PALLD: variants seen among roughly 807,000 people sequenced by gnomAD.
PALLD encodes the protein palladin.
PALLD carries 61 observed loss-of-function variants against 123.5 expected under a neutral mutation model. The ratio of observed to expected loss-of-function variants is 0.49; its 90% confidence interval spans 0.40 to 0.61. The LOEUF (loss-of-function observed/expected upper bound fraction) is 0.61, where lower values mean the gene tolerates loss of function less well. Ranked by LOEUF, PALLD falls within the 20% of genes least tolerant of loss-of-function variation. The pLI is 0.00. For missense variants in PALLD, 1,273 were observed against 1,377.0 expected (o/e 0.92, Z 1.20); for synonymous variants, 465 against 496.4 (o/e 0.94, Z 0.84).
chr4:168,780,206 G>A (rs946919664), intron 10 of PALLD, among the ~76,000 whole-genome samples: 1 of 152,112 alleles, frequency 6.6e-6, no homozygotes, highest in Non-Finnish European at 1.5e-5. Context: ...GTCTCACTAC[G>A]TTACATTCTT....
intron 8 of PALLD, among the ~76,000 whole-genome samples, chr4:168,694,197 TC>T (rs1168340113): frequency 6.6e-6 from 1 of 152,176 alleles, no homozygotes; most frequent in East Asian, 1.9e-4. Flanking sequence ...GGAACCGGCT[TC>T]CCTAAAAACT....
intron 2 of PALLD, among the ~76,000 whole-genome samples, chr4:168,531,244 T>C (rs899414727): frequency 6.6e-6 from 1 of 152,130 alleles, no homozygotes; most frequent in African/African-American, 2.4e-5. Context: ...TGCTTTGGAG[T>C]AACAAAGAAT....
intron 10 of PALLD, among the ~76,000 whole-genome samples, chr4:168,755,028 C>T (rs190013986): frequency 3.6e-4 from 55 of 152,136 alleles, no homozygotes; most frequent in African/African-American, 9.6e-4. Flanking sequence ...GTCAGGAGAT[C>T]GAGACCATCC....
intron 10 of PALLD, among the ~76,000 whole-genome samples, chr4:168,833,967 T>C (rs1473184713): frequency 6.8e-6 from 1 of 148,084 alleles, no homozygotes; most frequent in African/African-American, 2.5e-5. Context: ...ACATACGAGA[T>C]AGACAAGAGC....
chr4:168,922,096 T>C (rs1302444911), intron 18 of PALLD, among the ~76,000 whole-genome samples: 16 of 104,888 alleles, frequency 1.5e-4, no homozygotes, highest in African/African-American at 4.8e-4. Flanking sequence ...TATATATATA[T>C]ATATATACAC....
intron 2 of PALLD, among the ~76,000 whole-genome samples, chr4:168,580,924 A>C (rs961359560): frequency 1.3e-5 from 2 of 152,018 alleles, no homozygotes; most frequent in Non-Finnish European, 2.9e-5. Flanking sequence ...AAAAAATGAG[A>C]ACATGTGGAC....
At chr4:168,904,090 T>G (rs1341561597) in intron 15 of PALLD, 184 bp downstream of exon 15, 4 of 626,480 alleles carry the variant, frequency 6.4e-6, no homozygotes, top group Non-Finnish European at 1.1e-5. Context: ...TGAATACTTA[T>G]TTATTCCATC....
rs1397082816 is a variant in PALLD at position 168,691,302 on chromosome 4, T to C, written c.1501+10T>C. The stretch of plus-strand genomic sequence containing the variant: ...TCTACAGCTGAACCTGGTAAGAATA[T>C]TTTTAGGGTTTTTTTTTTTGGTGGT... On this transcript the variant is annotated intron_variant, in intron 8 of 21. Coordinates refer to ENST00000505667, the MANE Select transcript of PALLD (RefSeq NM_001166108.2). The C allele has an allele frequency of 6.2e-7, 1 of 1,608,238 alleles. No homozygotes were observed. The highest frequency in any genetic ancestry group is 8.5e-7 in the Non-Finnish European group (1 of 1,176,170).
intron 10 of PALLD, chr4:168,877,622 G>A: frequency 2.1e-6 from 1 of 476,956 alleles, no homozygotes; most frequent in Non-Finnish European, 2.9e-6. Flanking sequence ...CTCTGCAGCT[G>A]GCCTAAGTGC....
chr4:168,777,722 C>A (rs999958), intron 10 of PALLD, among the ~76,000 whole-genome samples: 89,024 of 151,992 alleles, frequency 0.59, 27,098 homozygotes, highest in East Asian at 0.76. Flanking sequence ...CTCCCAGCCC[C>A]GTTTAGCAGT....
chr4:168,633,092 T>C (rs2149835313), intron 2 of PALLD, among the ~76,000 whole-genome samples: 1 of 152,360 alleles, frequency 6.6e-6, no homozygotes, highest in Non-Finnish European at 1.5e-5. Flanking sequence ...GTTGAATTCC[T>C]GTCCACATGA....
At chr4:168,643,427 TC>T (rs1777146361) in intron 2 of PALLD, among the ~76,000 whole-genome samples, 1 of 152,210 alleles carries the variant, frequency 6.6e-6, no homozygotes, top group Non-Finnish European at 1.5e-5. Context: ...CTGTTTAAGA[TC>T]TTGCTGTTTA....
At chr4:168,538,456 A>G (rs933457602) in intron 2 of PALLD, among the ~76,000 whole-genome samples, 1 of 151,534 alleles carries the variant, frequency 6.6e-6, no homozygotes, top group Admixed American at 6.6e-5. Context: ...AATAAAATAA[A>G]ATAAAATAAA....
chr4:168,879,632 A>G (rs1752342992), intron 10 of PALLD, among the ~76,000 whole-genome samples: 1 of 152,234 alleles, frequency 6.6e-6, no homozygotes, highest in Admixed American at 6.5e-5. Flanking sequence ...AAGGTGTACC[A>G]GGCAGCTTCA....
At chr4:168,552,139 A>G (rs1276020200) in intron 2 of PALLD, among the ~76,000 whole-genome samples, 1 of 152,158 alleles carries the variant, frequency 6.6e-6, no homozygotes, top group Non-Finnish European at 1.5e-5. Context: ...ATGTTAGTTT[A>G]AGTCACCCAA....
chr4:168,780,714 G>A (rs1382390274), intron 10 of PALLD, among the ~76,000 whole-genome samples: 1 of 152,156 alleles, frequency 6.6e-6, no homozygotes, highest in African/African-American at 2.4e-5. Context: ...TGGAGACAGA[G>A]TCTCACTCTG....
At chr4:168,591,322 A>G (rs1376028456) in intron 2 of PALLD, among the ~76,000 whole-genome samples, 1 of 152,212 alleles carries the variant, frequency 6.6e-6, no homozygotes, top group East Asian at 1.9e-4. Flanking sequence ...TGCACAACAT[A>G]GGACTCTATA....
intron 10 of PALLD, among the ~76,000 whole-genome samples, chr4:168,853,544 C>A (rs1398513208): frequency 6.6e-6 from 1 of 152,060 alleles, no homozygotes; most frequent in African/African-American, 2.4e-5. Context: ...GGTTTGGAGG[C>A]CTGAGGAAAG....
intron 2 of PALLD, among the ~76,000 whole-genome samples, chr4:168,637,943 CA>C (rs11416996): frequency 0.031 from 1,887 of 60,362 alleles, 3 homozygotes; most frequent in Middle Eastern, 0.056. Flanking sequence ...GAATACATCT[CA>C]AAAAAAAAAA....
Sources: allele counts gnomAD v4.1 joint callset (sites outside exome capture counted in the v4.1 genomes callset), GRCh38; gene constraint gnomAD v4.1.1; transcripts MANE v1.5; gene names NCBI Gene and HGNC (gene_info 2026-07-23, HGNC 2026-07-21).